Variants in TRMT9B observed in about 807,000 individuals in gnomAD.
The protein encoded by TRMT9B is probable tRNA methyltransferase 9B.
TRMT9B carries 16 observed loss-of-function variants against 11.5 expected under a neutral mutation model. The observed-to-expected ratio is 1.39, with a 90% CI of 0.94 to 2.11. The LOEUF is 2.11. Ranked by LOEUF, TRMT9B falls within the 30% of genes most tolerant of loss-of-function variation. The pLI, the probability that TRMT9B is intolerant of heterozygous loss-of-function variation, is 0.00. For synonymous variants in TRMT9B, 274 were observed against 192.4 expected (o/e 1.42, Z -3.51); for missense variants, 941 against 553.8 (o/e 1.70, Z -7.02).
chr8:12,963,898 T>C (rs532970102), intron 1 of TRMT9B, among the ~76,000 whole-genome samples: 1 of 152,232 alleles, frequency 6.6e-6, no homozygotes, highest in Non-Finnish European at 1.5e-5. Flanking sequence ...AATCAGCCCA[T>C]ATGGGTTCTA....
chr8:13,029,446 T>C lies in TRMT9B; in HGVS notation c.*7402T>C, dbSNP rs996846558. 1.2e-5 allele frequency: 2 copies of C among 167,044 alleles called. No homozygotes were observed. The highest frequency in any genetic ancestry group is 2.9e-5 in the Non-Finnish European group (2 of 68,124). The allele number at this position is 167,044 out of a possible 1,614,324, so 10.3% of individuals were successfully genotyped here. A position where few individuals can be genotyped will look rare whatever the true frequency, so the allele number is the denominator to read the frequency against. The stretch of plus-strand genomic sequence containing the variant: ...ATGTTCAGGATCTTTTTGTAGTAAG[T>C]ATATTTTAAATGGTGTAATTTGTGT... On this transcript the variant is annotated 3_prime_UTR_variant, in exon 5 of 5. Coordinates refer to ENST00000524591, the MANE Select transcript of TRMT9B (RefSeq NM_020844.3).
rs115164810 is a variant in TRMT9B, at chr8:12,946,346, T to C, written c.-200+380T>C. 3.9e-3 allele frequency among the ~76,000 whole-genome samples: 594 copies of C among 152,102 alleles called. 6 individuals carry two copies. Among genetic ancestry groups the C allele is most frequent in the African/African-American group, 0.012 (507 of 41,504 alleles). ...AGTAATGGGACATAAAGAACTAGAATAGAAACAATAAGAAGGGAGCAGAGT... is the reference window on the plus strand; with the variant it reads ...AGTAATGGGACATAAAGAACTAGAACAGAAACAATAAGAAGGGAGCAGAGT... On this transcript the variant is annotated intron_variant, in intron 1 of 4. Coordinates refer to ENST00000524591, the MANE Select transcript of TRMT9B (RefSeq NM_020844.3).
chr8:12,980,745 G>T (rs1805235319), intron 1 of TRMT9B, among the ~76,000 whole-genome samples: 1 of 152,114 alleles, frequency 6.6e-6, no homozygotes, highest in Non-Finnish European at 1.5e-5. Flanking sequence ...AAGATACTTG[G>T]GTGTGTTAGG....
Position 13,027,486 on chromosome 8 carries a change from T to C in TRMT9B, c.*5442T>C, listed in dbSNP as rs1460527936. 1.2e-5 allele frequency: 2 copies of C among 167,088 alleles called. No homozygotes were observed. The highest frequency in any genetic ancestry group is 2.9e-5 in the Non-Finnish European group (2 of 68,126). The allele number at this position is 167,088 out of a possible 1,614,324, so 10.4% of individuals were successfully genotyped here. A position where few individuals can be genotyped will look rare whatever the true frequency, so the allele number is the denominator to read the frequency against. On this transcript the variant is annotated 3_prime_UTR_variant, in exon 5 of 5. Transcript: ENST00000524591. ...TCAGAAAATAATATGTCTTACAGAA[T>C]AAATGCAGACTCCTTTGGATGGCAT...
At chr8:13,006,717 G>A in intron 3 of TRMT9B, 1 of 1,156,474 alleles carries the variant, frequency 8.6e-7, no homozygotes, top group Non-Finnish European at 1.1e-6. Flanking sequence ...CAACCAGATT[G>A]GAGTGCAGTG....
chr8:13,010,660 A>T, intron 3 of TRMT9B: 1 of 984,958 alleles, frequency 1.0e-6, no homozygotes, highest in Non-Finnish European at 1.2e-6. Flanking sequence ...GGCCCTCCTC[A>T]TTCTAAAGAT....
At chr8:12,990,061 C>A (rs1348110016) in intron 1 of TRMT9B, among the ~76,000 whole-genome samples, 1 of 152,114 alleles carries the variant, frequency 6.6e-6, no homozygotes, top group East Asian at 1.9e-4. Context: ...AGTAGAAAAC[C>A]CACACGCACC....
At chr8:12,952,358 G>T (rs771777637) in intron 1 of TRMT9B, 1 of 322,864 alleles carries the variant, frequency 3.1e-6, no homozygotes. Context: ...TGGCCGCCTG[G>T]GTGAGTTCCT....
In TRMT9B at chr8:13,025,730, C is replaced by T. The variant is rs1310045482; in HGVS notation, c.*3686C>T. Reference sequence around the variant, plus strand: ...GACACCAGCATATCAAAGTAACTAACAAACTAGCTACACAAACGTCTTGGA... The same window carrying T: ...GACACCAGCATATCAAAGTAACTAATAAACTAGCTACACAAACGTCTTGGA... On this transcript the variant is annotated 3_prime_UTR_variant, in exon 5 of 5. Coordinates refer to ENST00000524591, the MANE Select transcript of TRMT9B (RefSeq NM_020844.3). 1 of 166,990 alleles carries T rather than the reference C, an allele frequency of 6.0e-6. No individual in the cohort carries two copies. Among genetic ancestry groups the T allele is most frequent in the Non-Finnish European group, 1.5e-5 (1 of 68,116 alleles). The allele number at this position is 166,990 out of a possible 1,614,324, so 10.3% of individuals were successfully genotyped here.
Position 13,021,870 on chromosome 8 carries a change from T to C in TRMT9B, c.1191T>C (p.Asp397=), listed in dbSNP as rs771280627. ...FNPDDTMSVE[D]PQTDVLDSTA... ...CAGATGATACAATGTCTGTCGAAGA[T>C]CCACAGACTGATGTTTTGGACTCCA... Residue 397 remains aspartate, a synonymous_variant, in exon 5 of 5, where the codon GAT becomes GAC. Transcript: ENST00000524591. 8 of 1,613,896 alleles carry C rather than the reference T, an allele frequency of 5.0e-6. No homozygotes were observed. The highest frequency in any genetic ancestry group is 5.9e-6 in the Non-Finnish European group (7 of 1,179,892).
intron 1 of TRMT9B, among the ~76,000 whole-genome samples, chr8:12,988,389 T>C (rs2954178): frequency 1.3e-5 from 2 of 152,246 alleles, no homozygotes; most frequent in African/African-American, 4.8e-5. Context: ...GATTATTTTA[T>C]AATGATTGTA....
chr8:12,972,600 CA>C (rs1436449347), intron 1 of TRMT9B, among the ~76,000 whole-genome samples: 5 of 152,152 alleles, frequency 3.3e-5, no homozygotes, highest in Non-Finnish European at 7.4e-5. Context: ...GTCCCCTTGT[CA>C]GCAGAGACAC....
chr8:12,989,632 C>T (rs758556392), intron 1 of TRMT9B, among the ~76,000 whole-genome samples: 2 of 152,114 alleles, frequency 1.3e-5, no homozygotes, highest in Non-Finnish European at 2.9e-5. Flanking sequence ...GAAGGAAAGG[C>T]GCATAGACAA....
At chr8:12,970,080 C>T (rs920053847) in intron 1 of TRMT9B, 1 of 152,182 alleles carries the variant, frequency 6.6e-6, no homozygotes, top group African/African-American at 2.4e-5. Context: ...TCCTTGGTGA[C>T]CTCACTGTTG....
chr8:12,997,959 G>A (rs986792901), intron 2 of TRMT9B, among the ~76,000 whole-genome samples: 1 of 152,122 alleles, frequency 6.6e-6, no homozygotes, highest in East Asian at 1.9e-4. Flanking sequence ...TAGGTGGTGG[G>A]ATCCTATTGT....
rs1318895991 is a variant in TRMT9B at position 13,025,945 on chromosome 8, G to A, written c.*3901G>A. On this transcript the variant is annotated 3_prime_UTR_variant, in exon 5 of 5. Transcript: ENST00000524591. ...GAAAAAACCATCCAAATATAAACCA[G>A]CTAGGAACATGAATGCCCCTGATTA... 1 of 166,788 alleles carries A rather than the reference G, an allele frequency of 6.0e-6. No individual in the cohort carries two copies. The highest frequency in any genetic ancestry group is 2.4e-5 in the African/African-American group (1 of 41,410). The allele number at this position is 166,788 out of a possible 1,614,324, so 10.3% of individuals were successfully genotyped here.
rs1288115701 is a variant in TRMT9B, at chr8:13,011,810, G to A, written c.155-874G>A. On this transcript the variant is annotated intron_variant, in intron 3 of 4. Coordinates refer to ENST00000524591, the MANE Select transcript of TRMT9B (RefSeq NM_020844.3). ...TGGACCCATAGAGATCATTTTAAATGTAGCAATGAATAGAGATTGGATAAA... is the reference window on the plus strand; with the variant it reads ...TGGACCCATAGAGATCATTTTAAATATAGCAATGAATAGAGATTGGATAAA... 8 of 958,652 alleles carry A rather than the reference G, an allele frequency of 8.3e-6. No homozygotes were observed. The African/African-American group carries it at 1.4e-4, about 17-fold the overall frequency. The allele number at this position is 958,652 out of a possible 1,614,324, so 59.4% of individuals were successfully genotyped here. A position where few individuals can be genotyped will look rare whatever the true frequency, so the allele number is the denominator to read the frequency against.
chr8:12,958,047 C>T (rs1297931800), intron 1 of TRMT9B, among the ~76,000 whole-genome samples: 3 of 152,162 alleles, frequency 2.0e-5, no homozygotes, highest in Non-Finnish European at 2.9e-5. Flanking sequence ...CTGATAAAGA[C>T]ATACCCGAGA....
At chr8:12,978,477 C>T (rs2460346) in intron 1 of TRMT9B, among the ~76,000 whole-genome samples, 11,014 of 148,182 alleles carry the variant, frequency 0.074, 473 homozygotes, top group Non-Finnish European at 0.084. Flanking sequence ...CAGACAGTTG[C>T]TGCTAACCCG....
Sources: gnomAD v4.1 joint callset for allele counts (sites outside exome capture counted in the v4.1 genomes callset) on GRCh38, gnomAD v4.1.1 for gene constraint, MANE v1.5 for transcripts, NCBI Gene and HGNC (gene_info 2026-07-23, HGNC 2026-07-21) for gene names.